FLNB: variants seen among roughly 807,000 people sequenced by gnomAD.
FLNB encodes filamin-B.
FLNB carries 111 observed loss-of-function variants against 250.6 expected under a neutral mutation model. The observed-to-expected ratio is 0.44, with a 90% CI of 0.38 to 0.52. The LOEUF (loss-of-function observed/expected upper bound fraction) is 0.52. Among genes scored for constraint, FLNB ranks in the 20% least tolerant of loss-of-function variants. FLNB has a pLI of 0.00. For missense variants in FLNB, 2,869 were observed against 3,447.8 expected (o/e 0.83, Z 4.20); for synonymous variants, 1,302 against 1,372.1 (o/e 0.95, Z 1.13).
At chr3:58,119,072 T>A in intron 19 of FLNB, 83 bp downstream of exon 19, 2 of 1,040,904 alleles carry the variant, frequency 1.9e-6, no homozygotes, top group East Asian at 4.7e-5. Flanking sequence ...AAAGGTGAAA[T>A]TTGCAGAGAA....
chr3:58,079,548 G>A (rs945312670), intron 3 of FLNB, among the ~76,000 whole-genome samples: 3 of 152,210 alleles, frequency 2.0e-5, no homozygotes, highest in African/African-American at 7.2e-5. Flanking sequence ...ACTGTGCCTG[G>A]CCGACTTAAA....
rs771340069 is a variant in FLNB, at chr3:58,084,191, CAA to C, written c.787+2432_787+2433del. Reference sequence around the variant, plus strand: ...TGGGTGACAGAACGAGACTCTGTCTCAAAAAAAAAAAAAAAAAAGTGCTTTCT... The same window carrying C: ...TGGGTGACAGAACGAGACTCTGTCTCAAAAAAAAAAAAAAAAGTGCTTTCT... On this transcript the variant is annotated intron_variant, in intron 4 of 45. Coordinates refer to ENST00000295956, the MANE Select transcript of FLNB (RefSeq NM_001457.4). 3.7e-3 allele frequency among the ~76,000 whole-genome samples: 238 copies of C among 64,480 alleles called. 2 individuals are homozygous for C. Among genetic ancestry groups the C allele is most frequent in the African/African-American group, 0.012 (207 of 17,852 alleles). 42.3% of individuals were successfully genotyped at this position (64,480 alleles called of 152,430 possible).
chr3:58,079,577 GC>G (rs1236252323), intron 3 of FLNB, among the ~76,000 whole-genome samples: 1 of 152,124 alleles, frequency 6.6e-6, no homozygotes, highest in Non-Finnish European at 1.5e-5. Flanking sequence ...AAACATGTAA[GC>G]CAGGATAATC....
At chr3:58,154,687 G>A in intron 39 of FLNB, 104 bp from the exon 40 acceptor site, 1 of 1,253,968 alleles carries the variant, frequency 8.0e-7, no homozygotes, top group Non-Finnish European at 1.2e-6. Context: ...AGAGGAAAGG[G>A]CTAGCAACAG....
chr3:58,100,373 A>AAATATATATATATATAT, intron 8 of FLNB, among the ~76,000 whole-genome samples: 9 of 104,342 alleles, frequency 8.6e-5, no homozygotes, highest in African/African-American at 2.3e-4. Flanking sequence ...GTAAAAAAAA[A>AAATATATATATATATAT]ATATATATAT....
At chr3:58,150,359 C>T (rs570312201) in intron 38 of FLNB, 132 bp downstream of exon 38, 1 of 953,604 alleles carries the variant, frequency 1.0e-6, no homozygotes, top group Non-Finnish European at 1.7e-6. Flanking sequence ...CTTTTCATTT[C>T]ACTTCATTTC....
intron 13 of FLNB, among the ~76,000 whole-genome samples, chr3:58,108,799 G>T (rs530724894): frequency 2.6e-5 from 4 of 152,206 alleles, no homozygotes; most frequent in African/African-American, 9.7e-5. Context: ...AATGAGGCTT[G>T]TTTGTTTCAG....
At chr3:58,026,443 T>C (rs1197834381) in intron 1 of FLNB, among the ~76,000 whole-genome samples, 1 of 152,176 alleles carries the variant, frequency 6.6e-6, no homozygotes, top group Non-Finnish European at 1.5e-5. Flanking sequence ...ACTATCCAAC[T>C]TGGTGTCATG....
At chr3:58,040,308 A>T (rs2097144246) in intron 1 of FLNB, among the ~76,000 whole-genome samples, 1 of 151,952 alleles carries the variant, frequency 6.6e-6, no homozygotes, top group African/African-American at 2.4e-5. Context: ...GAGTGTGAGT[A>T]AACAGTTACC....
intron 1 of FLNB, among the ~76,000 whole-genome samples, chr3:58,052,737 G>T (rs2097164342): frequency 6.6e-6 from 1 of 152,228 alleles, no homozygotes; most frequent in South Asian, 2.1e-4. Context: ...TGACTTCAGT[G>T]CTGGGCACAG....
intron 1 of FLNB, among the ~76,000 whole-genome samples, chr3:58,030,844 G>A (rs1576607712): frequency 6.6e-6 from 1 of 152,130 alleles, no homozygotes; most frequent in Non-Finnish European, 1.5e-5. Context: ...TGGTTGCGCT[G>A]CTGCCCTCCA....
At position 58,135,971 on chromosome 3, in the gene FLNB, A is replaced by G; in HGVS notation, c.4672-8A>G. 2 of 1,613,820 alleles carry G rather than the reference A, an allele frequency of 1.2e-6. No individual in the cohort carries two copies. Among genetic ancestry groups the G allele is most frequent in the Non-Finnish European group, 1.7e-6 (2 of 1,179,780 alleles). The stretch of plus-strand genomic sequence containing the variant: ...ACATCCTAAATAGCATTTCTCTATG[A>G]TCCACAGGACCAAGAAGGAAAACCC... On this transcript the variant is annotated splice_region_variant and splice_polypyrimidine_tract_variant and intron_variant, in intron 27 of 45. Coordinates refer to ENST00000295956, the MANE Select transcript of FLNB (RefSeq NM_001457.4).
At chr3:58,026,456 G>A (rs1215092767) in intron 1 of FLNB, among the ~76,000 whole-genome samples, 1 of 152,190 alleles carries the variant, frequency 6.6e-6, no homozygotes, top group African/African-American at 2.4e-5. Flanking sequence ...GTGTCATGGA[G>A]CTGGCGACAA....
chr3:58,125,484 G>C lies in FLNB; in HGVS notation c.3899-97G>C. ...TCCAAATAACATAGTATAGCATGCA[G>C]ACTTCGATGCTAGATGAAACTCTGA... On this transcript the variant is annotated intron_variant, in intron 22 of 45. Coordinates refer to ENST00000295956, the MANE Select transcript of FLNB (RefSeq NM_001457.4). 3 of 1,376,534 alleles carry C rather than the reference G, an allele frequency of 2.2e-6. No individual in the cohort carries two copies. The South Asian group carries it at 3.6e-5, about 16-fold the overall frequency. 85.3% of individuals were successfully genotyped at this position (1,376,534 alleles called of 1,614,324 possible).
At chr3:58,070,047 T>C in intron 1 of FLNB, among the ~76,000 whole-genome samples, 1 of 109,182 alleles carries the variant, frequency 9.2e-6, no homozygotes, top group Non-Finnish European at 1.8e-5. Flanking sequence ...GACTCTTTCT[T>C]TCTTTTTTTT....
chr3:58,134,715 G>A lies in FLNB; in HGVS notation c.4614G>A (p.Val1538=), dbSNP rs200213526. Residue 1538 remains valine (V), a synonymous_variant, in exon 27 of 46, where the codon GTG becomes GTA. Transcript: ENST00000295956. ...SSYGVPASLP[V]DFAIDARDAG... ...ATGGTGTGCCTGCCAGTCTACCTGTGGACTTTGCAATTGATGCCCGAGATG... is the reference window on the plus strand; with the variant it reads ...ATGGTGTGCCTGCCAGTCTACCTGTAGACTTTGCAATTGATGCCCGAGATG... The A allele has an allele frequency of 7.4e-6, 12 of 1,614,124 alleles. No individual in the cohort carries two copies. Among genetic ancestry groups the A allele is most frequent in the Non-Finnish European group, 9.3e-6 (11 of 1,179,976 alleles).
intron 1 of FLNB, among the ~76,000 whole-genome samples, chr3:58,045,257 C>G (rs2097151970): frequency 6.6e-6 from 1 of 152,116 alleles, no homozygotes; most frequent in African/African-American, 2.4e-5. Flanking sequence ...TCATAAAAAT[C>G]CTCACCATGA....
intron 18 of FLNB, among the ~76,000 whole-genome samples, chr3:58,115,438 A>G (rs60270738): frequency 0.011 from 1,615 of 152,326 alleles, 26 homozygotes; most frequent in African/African-American, 0.037. Flanking sequence ...AGTTGCAGAT[A>G]TCAGGACAGG....
At chr3:58,108,985 AAAAT>A (rs1478775088) in intron 13 of FLNB, among the ~76,000 whole-genome samples, 190 bp from the exon 14 acceptor site, 2 of 152,238 alleles carry the variant, frequency 1.3e-5, no homozygotes, top group Non-Finnish European at 2.9e-5. Context: ...TTAATAACTA[AAAAT>A]AAATAAATGC....
Sources: allele counts gnomAD v4.1 joint callset (sites outside exome capture counted in the v4.1 genomes callset), GRCh38; gene constraint gnomAD v4.1.1; transcripts MANE v1.5; gene names NCBI Gene and HGNC (gene_info 2026-07-23, HGNC 2026-07-21).